NEDD9: variants seen among roughly 807,000 people sequenced by gnomAD.
NEDD9 encodes enhancer of filamentation 1.
In NEDD9, 26 loss-of-function variants were observed where a neutral mutation model predicts 76.6. That is an observed-to-expected ratio of 0.34 (90% confidence interval 0.25 to 0.47). The LOEUF is 0.47. Ranked by LOEUF, NEDD9 falls within the 20% of genes least tolerant of loss-of-function variation. The pLI, the probability that NEDD9 is intolerant of heterozygous loss-of-function variation, is 1.00. For missense variants in NEDD9, 937 were observed against 1,058.5 expected, an observed-to-expected ratio of 0.89 and a Z score of 1.59; for synonymous variants, 392 against 414.2, an observed-to-expected ratio of 0.95 and a Z score of 0.65.
chr6:11,318,915 G>A (rs1459465151), intron 2 of NEDD9, among the ~76,000 whole-genome samples: 1 of 152,196 alleles, frequency 6.6e-6, no homozygotes, highest in African/African-American at 2.4e-5. Flanking sequence ...CAGGAGAGGT[G>A]AGAATTTGTC....
intron 1 of NEDD9, among the ~76,000 whole-genome samples, chr6:11,344,130 C>T (rs1302483609): frequency 6.6e-6 from 1 of 152,214 alleles, no homozygotes; most frequent in Non-Finnish European, 1.5e-5. Context: ...TAAGTCTAAA[C>T]TCTTAGGTGT....
At chr6:11,303,615 T>A (rs559565358) in intron 3 of NEDD9, among the ~76,000 whole-genome samples, 2 of 152,004 alleles carry the variant, frequency 1.3e-5, no homozygotes, top group African/African-American at 4.8e-5. Context: ...AACAGATATA[T>A]AGATCAATGG....
At chr6:11,196,017 C>G (rs1758282369) in intron 2 of NEDD9, among the ~76,000 whole-genome samples, 1 of 151,814 alleles carries the variant, frequency 6.6e-6, no homozygotes, top group Non-Finnish European at 1.5e-5. Context: ...AACAATCAAA[C>G]AAACAGGCTG....
intron 1 of NEDD9, among the ~76,000 whole-genome samples, chr6:11,224,765 G>C (rs1412522403): frequency 6.6e-6 from 1 of 152,172 alleles, no homozygotes; most frequent in Non-Finnish European, 1.5e-5. Context: ...GAGGCGGAGG[G>C]TGTTGGGGGG....
intron 1 of NEDD9, among the ~76,000 whole-genome samples, chr6:11,217,996 A>G (rs1216001178): frequency 6.6e-6 from 1 of 152,124 alleles, no homozygotes; most frequent in Non-Finnish European, 1.5e-5. Context: ...CCCATCCCTA[A>G]AGTGATCATG....
intron 3 of NEDD9, among the ~76,000 whole-genome samples, chr6:11,288,648 G>T (rs1760699088): frequency 6.6e-6 from 1 of 152,198 alleles, no homozygotes. Context: ...GGGGCTTTCA[G>T]ACCCTCTGAT....
intron 2 of NEDD9, chr6:11,306,246 G>A: frequency 3.7e-6 from 2 of 543,180 alleles, no homozygotes; most frequent in South Asian, 2.3e-5. Flanking sequence ...CATAGCAGCT[G>A]GAAAAGCCAA....
chr6:11,207,596 GT>G (rs1311435761), intron 2 of NEDD9: 1 of 152,186 alleles, frequency 6.6e-6, no homozygotes, highest in Non-Finnish European at 1.5e-5. Flanking sequence ...TATTACTTCA[GT>G]TTTCCAAGTG....
intron 2 of NEDD9, among the ~76,000 whole-genome samples, chr6:11,311,589 C>G (rs563057632): frequency 5.3e-5 from 8 of 152,264 alleles, no homozygotes; most frequent in African/African-American, 1.7e-4. Flanking sequence ...ATCTCTTCAT[C>G]AAGAAAAGGA....
intron 2 of NEDD9, among the ~76,000 whole-genome samples, chr6:11,332,764 T>C (rs969248869): frequency 2.6e-5 from 4 of 152,172 alleles, no homozygotes; most frequent in African/African-American, 9.7e-5. Context: ...TCTCAGCATC[T>C]AGCACCATCC....
chr6:11,255,270 A>C (rs941569531), intron 3 of NEDD9, among the ~76,000 whole-genome samples: 70 of 152,264 alleles, frequency 4.6e-4, no homozygotes, highest in African/African-American at 1.6e-3. Context: ...GGTCGGAGGG[A>C]TTCTCTGTTC....
At chr6:11,336,205 A>G (rs1008416938) in intron 1 of NEDD9, among the ~76,000 whole-genome samples, 4 of 152,228 alleles carry the variant, frequency 2.6e-5, no homozygotes, top group Non-Finnish European at 5.9e-5. Context: ...TCATGGCTCT[A>G]CATTTACTAT....
At chr6:11,254,318 G>C (rs538505910) in intron 3 of NEDD9, among the ~76,000 whole-genome samples, 9 of 151,820 alleles carry the variant, frequency 5.9e-5, no homozygotes, top group African/African-American at 2.2e-4. Flanking sequence ...ATGGGGTTTC[G>C]CCATATTGGC....
At chr6:11,282,799 T>C (rs772565312) in intron 3 of NEDD9, among the ~76,000 whole-genome samples, 11 of 152,234 alleles carry the variant, frequency 7.2e-5, no homozygotes, top group Non-Finnish European at 1.0e-4. Flanking sequence ...CTGTCCTGCT[T>C]TCCCTCTGGC....
At chr6:11,330,109 A>G (rs1415174992) in intron 2 of NEDD9, among the ~76,000 whole-genome samples, 1 of 152,170 alleles carries the variant, frequency 6.6e-6, no homozygotes, top group African/African-American at 2.4e-5. Context: ...TGTAATTTTA[A>G]TTAATTAAAT....
intron 1 of NEDD9, among the ~76,000 whole-genome samples, chr6:11,222,494 G>T (rs1194543390): frequency 6.6e-6 from 1 of 152,206 alleles, no homozygotes; most frequent in Non-Finnish European, 1.5e-5. Context: ...ACAGGGAAAA[G>T]GTGGCAGGAG....
chr6:11,184,205 TAGTAGCACCAA>T lies in NEDD9; in HGVS notation c.*946_*956del, dbSNP rs1006880722. 8.5e-5 allele frequency: 13 copies of T among 152,064 alleles called. No homozygotes were observed. The highest frequency in any genetic ancestry group is 3.1e-4 in the African/African-American group (13 of 41,392). The allele number at this position is 152,064 out of a possible 1,614,324, so 9.4% of individuals were successfully genotyped here. A position where few individuals can be genotyped will look rare whatever the true frequency, so the allele number is the denominator to read the frequency against. ...GCCAGTTTCCCTCAGGTAATGGGGG[TAGTAGCACCAA>T]AGTGAATATTAAGAGTCAGAAAGGC... On this transcript the variant is annotated 3_prime_UTR_variant, in exon 7 of 7. Coordinates refer to ENST00000379446, the MANE Select transcript of NEDD9 (RefSeq NM_006403.4).
chr6:11,189,225 G>A (rs538648624), intron 5 of NEDD9, among the ~76,000 whole-genome samples: 16 of 152,292 alleles, frequency 1.1e-4, no homozygotes, highest in African/African-American at 3.1e-4. Context: ...GATTACAGGC[G>A]TGAGCCACTG....
intron 3 of NEDD9, among the ~76,000 whole-genome samples, chr6:11,250,746 G>A (rs369961646): frequency 9.9e-5 from 15 of 152,108 alleles, no homozygotes; most frequent in African/African-American, 1.9e-4. Flanking sequence ...CCCACATCCC[G>A]TCTCTCATTC....
Sources: allele counts gnomAD v4.1 joint callset (sites outside exome capture counted in the v4.1 genomes callset), GRCh38; gene constraint gnomAD v4.1.1; transcripts MANE v1.5; gene names NCBI Gene and HGNC (gene_info 2026-07-23, HGNC 2026-07-21).